Variants in SNTG2 observed in about 807,000 individuals in gnomAD.
SNTG2 encodes the protein syntrophin gamma 2, also known as gamma-2-syntrophin.
Under a neutral mutation model 70.9 loss-of-function variants are expected in SNTG2, and 74 were observed. That is an observed-to-expected ratio of 1.04 (90% confidence interval 0.86 to 1.27). The LOEUF (loss-of-function observed/expected upper bound fraction) is 1.27, where lower values mean the gene tolerates loss of function less well. Ranked by LOEUF, SNTG2 falls within the 50% of genes most tolerant of loss-of-function variation. The pLI, the probability that SNTG2 is intolerant of heterozygous loss-of-function variation, is 0.00. For synonymous variants in SNTG2, 278 were observed against 273.8 expected (o/e 1.02, Z -0.15); for missense variants, 717 against 690.7 (o/e 1.04, Z -0.43).
chr2:964,047 C>T (rs760930489), intron 1 of SNTG2, among the ~76,000 whole-genome samples: 3 of 152,130 alleles, frequency 2.0e-5, no homozygotes, highest in Non-Finnish European at 2.9e-5. Flanking sequence ...GTGTGCTGCT[C>T]TCCCTGTTGG....
At chr2:1,328,321 C>T (rs764834392) in intron 16 of SNTG2, among the ~76,000 whole-genome samples, 1 of 152,108 alleles carries the variant, frequency 6.6e-6, no homozygotes, top group Admixed American at 6.5e-5. Flanking sequence ...GCAGATACAA[C>T]ATATGACATA....
chr2:1,031,261 C>T (rs936007942), intron 1 of SNTG2, among the ~76,000 whole-genome samples: 4 of 151,806 alleles, frequency 2.6e-5, no homozygotes, highest in Admixed American at 2.6e-4. Context: ...TTGAGTTACA[C>T]GGTTGGAGAC....
chr2:1,335,890 T>C (rs1422210410), intron 16 of SNTG2, among the ~76,000 whole-genome samples: 2 of 152,200 alleles, frequency 1.3e-5, no homozygotes, highest in Admixed American at 6.5e-5. Flanking sequence ...AGAGAGAGGT[T>C]GGTGTGTTTT....
chr2:1,120,055 A>C (rs140085745), intron 4 of SNTG2, among the ~76,000 whole-genome samples: 1 of 152,284 alleles, frequency 6.6e-6, no homozygotes, highest in African/African-American at 2.4e-5. Context: ...GAAAATAAGA[A>C]AATGGCATTG....
At chr2:1,258,791 CATT>C (rs1365093902) in intron 12 of SNTG2, among the ~76,000 whole-genome samples, 9 of 152,060 alleles carry the variant, frequency 5.9e-5, no homozygotes, top group African/African-American at 2.2e-4. Flanking sequence ...TTAGTTTGGC[CATT>C]ATTATTGTTA....
At chr2:1,030,139 T>G (rs1006398078) in intron 1 of SNTG2, among the ~76,000 whole-genome samples, 1 of 152,176 alleles carries the variant, frequency 6.6e-6, no homozygotes, top group Non-Finnish European at 1.5e-5. Context: ...ATAAATAACT[T>G]GTAGCTCTCA....
At chr2:1,228,364 G>T (rs1047920686) in intron 9 of SNTG2, among the ~76,000 whole-genome samples, 1 of 152,210 alleles carries the variant, frequency 6.6e-6, no homozygotes, top group African/African-American at 2.4e-5. Flanking sequence ...TTCCCTGCTG[G>T]GGGGAGGAGC....
At chr2:1,236,592 C>T (rs1676676253) in intron 9 of SNTG2, among the ~76,000 whole-genome samples, 1 of 152,244 alleles carries the variant, frequency 6.6e-6, no homozygotes, top group Non-Finnish European at 1.5e-5. Context: ...AGATAAACCT[C>T]ACATTCTGAT....
At chr2:1,272,463 TAAA>T (rs577563977) in intron 14 of SNTG2, among the ~76,000 whole-genome samples, 5 of 51,880 alleles carry the variant, frequency 9.6e-5, no homozygotes, top group Admixed American at 4.5e-4. Context: ...CTGGTACTGG[TAAA>T]AAAAAAAAAA....
chr2:1,033,766 T>A (rs1235473766), intron 1 of SNTG2, among the ~76,000 whole-genome samples: 1 of 152,096 alleles, frequency 6.6e-6, no homozygotes, highest in African/African-American at 2.4e-5. Flanking sequence ...TACTGTGTTG[T>A]AGTCTACACT....
rs954618772 is a variant in SNTG2 at position 1,179,904 on chromosome 2, A to G, written c.591+6721A>G. On this transcript the variant is annotated intron_variant, in intron 8 of 16. Coordinates refer to ENST00000308624, the MANE Select transcript of SNTG2 (RefSeq NM_018968.4). Reference sequence around the variant, plus strand: ...ATGGAACAGAACAGAGCCCTCAGAAATAATGCCGTGTATCTACAACTATCT... The same window carrying G: ...ATGGAACAGAACAGAGCCCTCAGAAGTAATGCCGTGTATCTACAACTATCT... Among the ~76,000 whole-genome samples the G allele has an allele frequency of 4.1e-3, 588 of 142,110 alleles. 22 individuals are homozygous for G. The highest frequency in any genetic ancestry group is 7.8e-3 in the Admixed American group (103 of 13,288). The allele number at this position is 142,110 out of a possible 152,430, so 93.2% of individuals were successfully genotyped here. A position where few individuals can be genotyped will look rare whatever the true frequency, so the allele number is the denominator to read the frequency against.
At chr2:1,253,710 T>A (rs1677889775) in intron 12 of SNTG2, among the ~76,000 whole-genome samples, 1 of 152,064 alleles carries the variant, frequency 6.6e-6, no homozygotes, top group Non-Finnish European at 1.5e-5. Context: ...TGATACTGGG[T>A]AGTTTATAAA....
chr2:1,134,682 G>A (rs1160186447), intron 4 of SNTG2, among the ~76,000 whole-genome samples: 8 of 152,168 alleles, frequency 5.3e-5, no homozygotes, highest in South Asian at 2.1e-4. Context: ...TCCCCCACCG[G>A]GGCTGCAGGT....
chr2:1,089,409 G>A lies in SNTG2; in HGVS notation c.210+5754G>A, dbSNP rs1472399787. Among the ~76,000 whole-genome samples the A allele has an allele frequency of 2.6e-5, 4 of 152,190 alleles. No individual in the cohort carries two copies. In the East Asian group the frequency reaches 5.8e-4, roughly 22 times the overall value. ...GTTTACACTTTGGGAGTCTGAGGCA[G>A]GAGGATCACAAGGTTAGGAGTTTGA... On this transcript the variant is annotated intron_variant, in intron 2 of 16. Transcript: ENST00000308624.
At chr2:1,337,472 G>A (rs749106910) in intron 16 of SNTG2, among the ~76,000 whole-genome samples, 6 of 152,036 alleles carry the variant, frequency 3.9e-5, no homozygotes, top group Non-Finnish European at 8.8e-5. Context: ...GTGCTTATTG[G>A]ACACTTCTAT....
At chr2:1,042,618 A>C (rs1448838998) in intron 1 of SNTG2, among the ~76,000 whole-genome samples, 1 of 152,166 alleles carries the variant, frequency 6.6e-6, no homozygotes, top group African/African-American at 2.4e-5. Context: ...GAGAATATCC[A>C]GTGTTTGGAT....
At chr2:1,219,224 T>C (rs1452237866) in intron 9 of SNTG2, among the ~76,000 whole-genome samples, 1 of 152,212 alleles carries the variant, frequency 6.6e-6, no homozygotes, top group Non-Finnish European at 1.5e-5. Context: ...CCCCTTTGCC[T>C]TCCGCCATGA....
intron 6 of SNTG2, 56 bp downstream of exon 6, chr2:1,137,865 T>C: frequency 6.8e-7 from 1 of 1,480,612 alleles, no homozygotes; most frequent in Non-Finnish European, 9.4e-7. Context: ...TTTGAATTAT[T>C]TGTCTCTATA....
chr2:1,003,084 C>T (rs965081724), intron 1 of SNTG2, among the ~76,000 whole-genome samples: 39 of 151,958 alleles, frequency 2.6e-4, no homozygotes, highest in African/African-American at 8.9e-4. Context: ...AATAATAGAC[C>T]TGGAGACTCA....
Sources: allele counts gnomAD v4.1 joint callset (sites outside exome capture counted in the v4.1 genomes callset), GRCh38; gene constraint gnomAD v4.1.1; transcripts MANE v1.5; gene names NCBI Gene and HGNC (gene_info 2026-07-23, HGNC 2026-07-21).